Variants in TNNI3K observed in about 807,000 individuals in gnomAD.
The protein encoded by TNNI3K is TNNI3 interacting kinase.
Under a neutral mutation model 114.5 loss-of-function variants are expected in TNNI3K, and 140 were observed. The observed-to-expected ratio is 1.22, with a 90% CI of 1.07 to 1.41. The LOEUF (loss-of-function observed/expected upper bound fraction) is 1.41. Ranked by LOEUF, TNNI3K falls within the 40% of genes most tolerant of loss-of-function variation. The pLI, the probability that TNNI3K is intolerant of heterozygous loss-of-function variation, is 0.00. For missense variants in TNNI3K, 1,125 were observed against 1,007.6 expected (o/e 1.12, Z -1.58); for synonymous variants, 347 against 347.5 (o/e 1.00, Z 0.02).
chr1:74,469,360 T>C (rs1285772794), intron 21 of TNNI3K: 4 of 152,644 alleles, frequency 2.6e-5, no homozygotes, highest in African/African-American at 9.6e-5. Flanking sequence ...CATACCAATA[T>C]GCATATCAGT....
At chr1:74,512,003 A>C (rs1670251881) in intron 23 of TNNI3K, among the ~76,000 whole-genome samples, 1 of 152,162 alleles carries the variant, frequency 6.6e-6, no homozygotes, top group African/African-American at 2.4e-5. Context: ...CCCAAGGAAA[A>C]TCGGAAGGAA....
intron 5 of TNNI3K, among the ~76,000 whole-genome samples, chr1:74,297,362 T>C (rs936588775): frequency 6.6e-5 from 10 of 152,138 alleles, no homozygotes; most frequent in African/African-American, 2.4e-4. Flanking sequence ...GGTGGGACTT[T>C]TGGGAGACCG....
intron 5 of TNNI3K, among the ~76,000 whole-genome samples, chr1:74,300,697 A>G: frequency 6.6e-6 from 1 of 152,208 alleles, no homozygotes; most frequent in Non-Finnish European, 1.5e-5. Context: ...CATCTATTTC[A>G]TTGTATTTCG....
chr1:74,480,576 A>AC (rs749247085), intron 21 of TNNI3K: 1 of 717,302 alleles, frequency 1.4e-6, no homozygotes, highest in Non-Finnish European at 2.6e-6. Flanking sequence ...AAATCCAGAT[A>AC]CCTGAGACTG....
At chr1:74,436,782 A>G (rs1414595081) in intron 19 of TNNI3K, among the ~76,000 whole-genome samples, 1 of 152,094 alleles carries the variant, frequency 6.6e-6, no homozygotes, top group African/African-American at 2.4e-5. Flanking sequence ...ATATAACTGA[A>G]AAGAACGTTG....
chr1:74,465,332 A>G (rs45596433), intron 21 of TNNI3K, among the ~76,000 whole-genome samples: 2,084 of 152,302 alleles, frequency 0.014, 40 homozygotes, highest in African/African-American at 0.048. Flanking sequence ...ATGAGTTCCC[A>G]GTGGGTGCAG....
chr1:74,362,331 A>G (rs1259365887), intron 11 of TNNI3K, among the ~76,000 whole-genome samples: 1 of 152,132 alleles, frequency 6.6e-6, no homozygotes, highest in Non-Finnish European at 1.5e-5. Context: ...TGTTCCTTTG[A>G]TGACCTGAGC....
chr1:74,458,406 A>G (rs1395284496), intron 20 of TNNI3K, among the ~76,000 whole-genome samples: 1 of 152,110 alleles, frequency 6.6e-6, no homozygotes, highest in Non-Finnish European at 1.5e-5. Context: ...AGACCTCCAG[A>G]TTTCCTTGGT....
intron 17 of TNNI3K, among the ~76,000 whole-genome samples, chr1:74,424,866 A>G (rs1460657285): frequency 6.6e-6 from 1 of 152,152 alleles, no homozygotes; most frequent in Non-Finnish European, 1.5e-5. Flanking sequence ...TAGGGGACAA[A>G]TGATACAAAG....
chr1:74,499,060 A>C (rs1423036274), intron 23 of TNNI3K, among the ~76,000 whole-genome samples: 2 of 152,250 alleles, frequency 1.3e-5, no homozygotes, highest in Non-Finnish European at 2.9e-5. Flanking sequence ...TAAATAAACA[A>C]GCAAACCAAC....
At chr1:74,536,043 C>A (rs1646657576) in intron 23 of TNNI3K, among the ~76,000 whole-genome samples, 1 of 152,112 alleles carries the variant, frequency 6.6e-6, no homozygotes, top group Admixed American at 6.6e-5. Context: ...TCTAAGAGTG[C>A]AGAAAACTTC....
intron 17 of TNNI3K, among the ~76,000 whole-genome samples, chr1:74,414,675 G>T (rs1251728393): frequency 6.6e-6 from 1 of 152,164 alleles, no homozygotes; most frequent in Non-Finnish European, 1.5e-5. Context: ...AAGCTTATAA[G>T]AAAGATAAGC....
Position 74,342,962 on chromosome 1 carries a change from T to G in TNNI3K, c.803T>G (p.Ile268Ser). ...GAAGTTCAACCTCATGTTGTTAATA[T>G]CTATGGAGATACCCCCTTACACCTG... ...DLEVQPHVVN[I>S]YGDTPLHLAC... is the part of the protein sequence containing the mutation. The change falls in exon 8 of 25, where the codon ATC becomes AGC. Residue 268 changes from isoleucine (I) to serine (S), a missense_variant. Coordinates refer to ENST00000326637, the MANE Select transcript of TNNI3K (RefSeq NM_015978.3). 1 of 1,613,910 alleles carries G rather than the reference T, an allele frequency of 6.2e-7. No homozygotes were observed. The highest frequency in any genetic ancestry group is 8.5e-7 in the Non-Finnish European group (1 of 1,179,890).
chr1:74,253,653 C>T (rs1375902757), intron 4 of TNNI3K, among the ~76,000 whole-genome samples: 5 of 152,128 alleles, frequency 3.3e-5, no homozygotes, highest in Admixed American at 2.6e-4. Context: ...CCCGCCAAGC[C>T]CACGCCCACG....
chr1:74,480,029 T>A lies in TNNI3K; in HGVS notation c.2122-9160T>A, dbSNP rs199716832. On this transcript the variant is annotated intron_variant, in intron 21 of 24. Coordinates refer to ENST00000326637, the MANE Select transcript of TNNI3K (RefSeq NM_015978.3). ...AAATCAGCTAATATCCTCCCACATC[T>A]ACTGGCAACCTCTCCTTTCCATAGC... 18 of 609,020 alleles carry A rather than the reference T, an allele frequency of 3.0e-5. No individual in the cohort carries two copies. In the East Asian group the frequency reaches 3.8e-4, roughly 13 times the overall value. The allele number at this position is 609,020 out of a possible 1,614,324, so 37.7% of individuals were successfully genotyped here.
chr1:74,452,896 C>G (rs1042073589), intron 20 of TNNI3K, among the ~76,000 whole-genome samples: 3 of 152,114 alleles, frequency 2.0e-5, no homozygotes, highest in African/African-American at 7.2e-5. Flanking sequence ...GCACATTAGT[C>G]TCTTTGTCAG....
intron 21 of TNNI3K, among the ~76,000 whole-genome samples, chr1:74,474,934 G>A (rs1668115122): frequency 6.6e-6 from 1 of 152,044 alleles, no homozygotes; most frequent in African/African-American, 2.4e-5. Flanking sequence ...GAGCTCGAAG[G>A]ATGTTGGAAT....
At chr1:74,401,883 T>G (rs1664381910) in intron 17 of TNNI3K, 1 of 454,340 alleles carries the variant, frequency 2.2e-6, no homozygotes, top group Non-Finnish European at 4.4e-6. Flanking sequence ...AGTATTTGCA[T>G]CTGGAGGGGA....
intron 20 of TNNI3K, among the ~76,000 whole-genome samples, chr1:74,455,725 G>A (rs894108443): frequency 5.9e-5 from 9 of 152,112 alleles, no homozygotes; most frequent in African/African-American, 1.7e-4. Flanking sequence ...TCAGGAGAAG[G>A]TGCATGTCAC....
Sources: allele counts gnomAD v4.1 joint callset (sites outside exome capture counted in the v4.1 genomes callset), GRCh38; gene constraint gnomAD v4.1.1; transcripts MANE v1.5; gene names NCBI Gene and HGNC (gene_info 2026-07-23, HGNC 2026-07-21).